The following VPS41 variants were observed in gnomAD, a reference collection of about 807,000 sequenced individuals.
VPS41 encodes vacuolar protein sorting-associated protein 41 homolog.
In VPS41, 85 loss-of-function variants were observed where a neutral mutation model predicts 130.9. The observed-to-expected ratio is 0.65, with a 90% confidence interval of 0.55 to 0.78. The LOEUF (loss-of-function observed/expected upper bound fraction) is 0.78, where lower values mean the gene tolerates loss of function less well. Ranked by LOEUF, VPS41 falls within the 30% of genes least tolerant of loss-of-function variation. The probability of loss-of-function intolerance (pLI) is 0.00; values close to 1 mark genes in which losing one functional copy is unlikely to be tolerated. For missense variants in VPS41, 874 were observed against 1,018.7 expected (o/e 0.86, Z 1.93); for synonymous variants, 335 against 332.9 (o/e 1.01, Z -0.07).
At position 38,882,663 on chromosome 7, in the gene VPS41, G is replaced by A. The variant is rs138813991; in HGVS notation, c.61-13410C>T. On this transcript the variant is annotated intron_variant, in intron 2 of 28. Coordinates refer to ENST00000310301, the MANE Select transcript of VPS41 (RefSeq NM_014396.4). ...TGAGCACCAAAACTAACTCTAGCCA[G>A]AGTCCTCCCCTACCTTAGTTACAGC... Among the ~76,000 whole-genome samples, 284 of 152,302 alleles carry A rather than the reference G, an allele frequency of 1.9e-3. 1 individual carries two copies. The highest frequency in any genetic ancestry group is 3.5e-3 in the Non-Finnish European group (237 of 68,018).
chr7:38,771,972 T>C (rs1215182211), intron 13 of VPS41, among the ~76,000 whole-genome samples: 1 of 151,788 alleles, frequency 6.6e-6, no homozygotes, highest in East Asian at 1.9e-4. Context: ...GTTGTGGATG[T>C]TGTTTTAAAT....
chr7:38,776,859 G>A (rs1584390864), intron 10 of VPS41, 83 bp from the exon 11 acceptor site: 1 of 691,668 alleles, frequency 1.4e-6, no homozygotes, highest in East Asian at 2.6e-5. Flanking sequence ...GACTGTGAAT[G>A]CTAGTGGACC....
chr7:38,826,910 C>A (rs1205276431), intron 5 of VPS41, among the ~76,000 whole-genome samples: 2 of 152,058 alleles, frequency 1.3e-5, no homozygotes, highest in African/African-American at 2.4e-5. Context: ...GCTCTGCCTC[C>A]CGGATTCACA....
At chr7:38,824,655 C>CA (rs1310065756) in intron 5 of VPS41, among the ~76,000 whole-genome samples, 1 of 151,810 alleles carries the variant, frequency 6.6e-6, no homozygotes, top group African/African-American at 2.4e-5. Flanking sequence ...AGAACAACAA[C>CA]AAAAAAACAT....
At chr7:38,851,908 C>T (rs953355388) in intron 4 of VPS41, among the ~76,000 whole-genome samples, 1 of 151,878 alleles carries the variant, frequency 6.6e-6, no homozygotes, top group Non-Finnish European at 1.5e-5. Context: ...TGATTTTTTC[C>T]TTGCTATAAA....
rs1411303414 is a variant in VPS41 at position 38,756,901 on chromosome 7, G to A, written c.1632C>T (p.His544=). ...LRHKDVFQLI[H]KHNLFSSIKD... Reference sequence around the variant, plus strand: ...TGATAGAACTGAAAAGATTATGCTTGTGGATCAACTGAAAAACGTCTTTAT... The same window carrying A: ...TGATAGAACTGAAAAGATTATGCTTATGGATCAACTGAAAAACGTCTTTAT... The change falls in exon 19 of 29, where the codon CAC becomes CAT. Residue 544 remains histidine (H), a synonymous_variant. Transcript: ENST00000310301. The A allele has an allele frequency of 1.3e-6, 2 of 1,599,610 alleles. No homozygotes were observed. The highest frequency in any genetic ancestry group is 1.1e-5 in the South Asian group (1 of 90,722).
At chr7:38,825,044 CA>C (rs1562599956) in intron 5 of VPS41, among the ~76,000 whole-genome samples, 1 of 152,000 alleles carries the variant, frequency 6.6e-6, no homozygotes, top group African/African-American at 2.4e-5. Context: ...GAGGAATAAA[CA>C]AAAAAGAGAA....
intron 8 of VPS41, among the ~76,000 whole-genome samples, chr7:38,796,180 G>A (rs1018838180): frequency 1.3e-5 from 2 of 152,132 alleles, no homozygotes; most frequent in Non-Finnish European, 1.5e-5. Flanking sequence ...GAATAGAACC[G>A]ATTTACTAAA....
intron 17 of VPS41, among the ~76,000 whole-genome samples, chr7:38,762,201 G>A (rs1180217180): frequency 6.6e-6 from 1 of 152,092 alleles, no homozygotes; most frequent in Non-Finnish European, 1.5e-5. Context: ...GAATAAATGT[G>A]CTACCCAAGA....
At chr7:38,908,521 A>G (rs1584458387) in intron 1 of VPS41, among the ~76,000 whole-genome samples, 1 of 152,242 alleles carries the variant, frequency 6.6e-6, no homozygotes, top group East Asian at 1.9e-4. Context: ...CTTTGTGTAT[A>G]AACTCCTCTC....
At chr7:38,751,738 G>A (rs1054578130) in intron 22 of VPS41, among the ~76,000 whole-genome samples, 2 of 152,180 alleles carry the variant, frequency 1.3e-5, no homozygotes, top group African/African-American at 2.4e-5. Flanking sequence ...AAAGAAGATA[G>A]GATGCAGGAC....
intron 12 of VPS41, among the ~76,000 whole-genome samples, chr7:38,773,755 CT>C (rs1784199367): frequency 6.6e-6 from 1 of 152,160 alleles, no homozygotes; most frequent in African/African-American, 2.4e-5. Context: ...CCAGAGCGAA[CT>C]TTCCTGACAC....
At chr7:38,873,235 G>A (rs10229531) in intron 2 of VPS41, among the ~76,000 whole-genome samples, 43,468 of 151,720 alleles carry the variant, frequency 0.29, 7,317 homozygotes, top group Non-Finnish European at 0.39. Flanking sequence ...CTTTTCTGAC[G>A]GGTATCTTTT....
intron 1 of VPS41, among the ~76,000 whole-genome samples, chr7:38,906,568 G>A (rs1787271205): frequency 6.6e-6 from 1 of 151,786 alleles, no homozygotes; most frequent in African/African-American, 2.4e-5. Flanking sequence ...CGAACTCCTG[G>A]GCTCAAACAA....
intron 2 of VPS41, among the ~76,000 whole-genome samples, chr7:38,885,701 T>C (rs1275167722): frequency 6.6e-6 from 1 of 152,346 alleles, no homozygotes; most frequent in African/African-American, 2.4e-5. Flanking sequence ...GATTTAAATA[T>C]TGTCTTGCAT....
intron 22 of VPS41, among the ~76,000 whole-genome samples, chr7:38,750,772 C>T (rs537083352): frequency 9.9e-4 from 151 of 152,194 alleles, no homozygotes; most frequent in Non-Finnish European, 1.7e-3. Context: ...ACCTGGGTGG[C>T]GCCTCTGCAT....
chr7:38,846,080 A>G (rs756679407), intron 4 of VPS41, among the ~76,000 whole-genome samples: 7 of 152,242 alleles, frequency 4.6e-5, no homozygotes, highest in Non-Finnish European at 1.0e-4. Context: ...AGAACAATTC[A>G]ATAACTGCAC....
chr7:38,795,426 A>G (rs1784600353), intron 9 of VPS41, 39 bp downstream of exon 9: 1 of 1,585,792 alleles, frequency 6.3e-7, no homozygotes, highest in African/African-American at 1.3e-5. Context: ...CAGTGGATCT[A>G]TAACAACACG....
intron 7 of VPS41, among the ~76,000 whole-genome samples, chr7:38,799,359 A>G (rs565792766): frequency 6.6e-6 from 1 of 152,228 alleles, no homozygotes; most frequent in Non-Finnish European, 1.5e-5. Context: ...TACAAAAAAC[A>G]TTCTCAATCT....
Sources: allele counts gnomAD v4.1 joint callset (sites outside exome capture counted in the v4.1 genomes callset), GRCh38; gene constraint gnomAD v4.1.1; transcripts MANE v1.5; gene names NCBI Gene and HGNC (gene_info 2026-07-23, HGNC 2026-07-21).